C2CD3: variants seen among roughly 807,000 people sequenced by gnomAD.
C2CD3 encodes C2 domain containing 3 centriole elongation regulator.
Under a neutral mutation model 234.0 loss-of-function variants are expected in C2CD3, and 148 were observed. The observed-to-expected ratio is 0.63, with a 90% CI of 0.55 to 0.72. The LOEUF is 0.72. Among genes scored for constraint, C2CD3 ranks in the 30% least tolerant of loss-of-function variants. The pLI is 0.00. For synonymous variants in C2CD3, 1,000 were observed against 1,035.4 expected (o/e 0.97, Z 0.66); for missense variants, 2,577 against 2,811.5 (o/e 0.92, Z 1.89).
At chr11:74,055,761 G>A (rs1336406576) in intron 25 of C2CD3, among the ~76,000 whole-genome samples, 1 of 152,184 alleles carries the variant, frequency 6.6e-6, no homozygotes, top group Non-Finnish European at 1.5e-5. Flanking sequence ...TTGTGATAAA[G>A]GAATTATAAA....
At chr11:74,090,653 G>A (rs1327917045) in intron 20 of C2CD3, among the ~76,000 whole-genome samples, 160 bp downstream of exon 20, 5 of 152,224 alleles carry the variant, frequency 3.3e-5, no homozygotes, top group Admixed American at 2.6e-4. Context: ...ACGTTTGCAA[G>A]TGATTTACTC....
At chr11:74,119,881 C>A (rs1375198716) in intron 8 of C2CD3, among the ~76,000 whole-genome samples, 1 of 152,012 alleles carries the variant, frequency 6.6e-6, no homozygotes, top group East Asian at 1.9e-4. Context: ...AGTGATCTGC[C>A]CACTTTGGCC....
At chr11:74,110,187 C>T (rs534307473) in intron 11 of C2CD3, among the ~76,000 whole-genome samples, 1 of 146,274 alleles carries the variant, frequency 6.8e-6, no homozygotes, top group East Asian at 1.9e-4. Flanking sequence ...CTATTACTTA[C>T]CACCGCAGAA....
Position 74,078,219 on chromosome 11 carries a change from T to C in C2CD3, c.4499A>G (p.Asn1500Ser), listed in dbSNP as rs113074900. 3.5e-5 allele frequency: 57 copies of C among 1,614,074 alleles called. No homozygotes were observed. The African/African-American group carries it at 4.3e-4, about 12-fold the overall frequency. The change falls in exon 23 of 33, where the codon AAT (asparagine) becomes AGT (serine). Residue 1500 changes from asparagine (N) to serine (S), a missense_variant. Transcript: ENST00000334126. ...CTGATGGGGTCTCTCCACACTGTCA[T>C]TGCCATAAGCTCGCCACACTTGGAT... ...LEIQVWRAYGNDSVERPHQTD... is the reference protein window; with the variant it reads ...LEIQVWRAYGSDSVERPHQTD...
At chr11:74,093,752 A>G (rs374281860) in intron 18 of C2CD3, 64 bp downstream of exon 18, 2 of 1,311,210 alleles carry the variant, frequency 1.5e-6, no homozygotes, top group Non-Finnish European at 2.1e-6. Flanking sequence ...GCTGGTTAGG[A>G]GTAGGATGCT....
chr11:74,170,424 G>T (rs2135581028), intron 1 of C2CD3, among the ~76,000 whole-genome samples: 1 of 152,224 alleles, frequency 6.6e-6, no homozygotes, highest in South Asian at 2.1e-4. Context: ...TGTGGACCTC[G>T]AAAGCTACAC....
intron 7 of C2CD3, 59 bp from the exon 8 acceptor site, chr11:74,123,194 C>G (rs1052641692): frequency 1.5e-6 from 2 of 1,298,070 alleles, no homozygotes; most frequent in East Asian, 4.8e-5. Context: ...CTGAACTATT[C>G]TCTCTTTAGT....
At chr11:74,035,321 T>C (rs571083557) in intron 30 of C2CD3, among the ~76,000 whole-genome samples, 2 of 152,370 alleles carry the variant, frequency 1.3e-5, no homozygotes, top group East Asian at 3.9e-4. Context: ...CTGAACATGC[T>C]TTCTGTCTCA....
At chr11:74,052,630 C>T (rs960609107) in intron 26 of C2CD3, among the ~76,000 whole-genome samples, 1 of 152,206 alleles carries the variant, frequency 6.6e-6, no homozygotes, top group Non-Finnish European at 1.5e-5. Context: ...CTAAATACAG[C>T]AAGAATTCCT....
intron 3 of C2CD3, among the ~76,000 whole-genome samples, chr11:74,147,855 T>C (rs1855322337): frequency 6.6e-6 from 1 of 152,186 alleles, no homozygotes; most frequent in South Asian, 2.1e-4. Context: ...ATTCCTAAAA[T>C]TGTAGAGCTA....
At chr11:74,058,070 T>C (rs1308862900) in intron 24 of C2CD3, among the ~76,000 whole-genome samples, 2 of 152,232 alleles carry the variant, frequency 1.3e-5, no homozygotes, top group Non-Finnish European at 2.9e-5. Context: ...TTCTCTCATG[T>C]TCTGTACTTT....
chr11:74,113,766 AGTGT>A lies in C2CD3; in HGVS notation c.1843+10_1843+13del. On this transcript the variant is annotated intron_variant, in intron 11 of 32. Coordinates refer to ENST00000334126, the MANE Select transcript of C2CD3 (RefSeq NM_001286577.2). ...CAGAATGTCTAAGGTGCAGAAAACC[AGTGT>A]GTCTCTTACTTCCATCTGTAATTTT... The A allele has an allele frequency of 7.0e-7, 1 of 1,425,380 alleles. No homozygotes were observed. The highest frequency in any genetic ancestry group is 9.9e-7 in the Non-Finnish European group (1 of 1,008,218). 88.3% of individuals were successfully genotyped at this position (1,425,380 alleles called of 1,614,324 possible).
chr11:74,164,192 C>A, intron 2 of C2CD3: 2 of 966,900 alleles, frequency 2.1e-6, no homozygotes, highest in Non-Finnish European at 2.5e-6. Context: ...TCCCTACTGT[C>A]CAGCACTATT....
intron 3 of C2CD3, among the ~76,000 whole-genome samples, chr11:74,146,048 T>TA (rs1281552168): frequency 6.6e-6 from 1 of 152,142 alleles, no homozygotes; most frequent in African/African-American, 2.4e-5. Context: ...CAAACTCTAG[T>TA]AAGAATTATG....
chr11:74,040,176 T>C (rs1181967123), intron 29 of C2CD3, among the ~76,000 whole-genome samples: 1 of 152,176 alleles, frequency 6.6e-6, no homozygotes, highest in Non-Finnish European at 1.5e-5. Flanking sequence ...CAAACCCTAT[T>C]GTGAACTGCT....
chr11:74,034,130 T>G lies in C2CD3; in HGVS notation c.6030A>C (p.Arg2010Ser). The change falls in exon 31 of 33, where the codon AGA (arginine) becomes AGC (serine). Residue 2010 changes from arginine (R) to serine (S), a missense_variant. By Grantham distance (110) the Arg-to-Ser change is moderately radical (BLOSUM62 -1). Transcript: ENST00000334126. ...RCTMPDEPLV[R>S]APDKGTDSPS... The stretch of plus-strand genomic sequence containing the variant: ...GGGAATCTGTGCCTTTATCTGGAGC[T>G]CTTACCAATGGCTCATCTGGCATTG... 1.3e-6 allele frequency: 2 copies of G among 1,536,230 alleles called. No individual in the cohort carries two copies. Among genetic ancestry groups the G allele is most frequent in the South Asian group, 2.4e-5 (2 of 84,050 alleles).
At chr11:74,139,044 G>A (rs1329086816) in intron 4 of C2CD3, 77 bp from the exon 5 acceptor site, 49 of 1,289,438 alleles carry the variant, frequency 3.8e-5, no homozygotes, top group Non-Finnish European at 5.1e-5. Context: ...GAGACAGAAA[G>A]TAGACCAGTG....
intron 7 of C2CD3, among the ~76,000 whole-genome samples, chr11:74,131,322 C>CA (rs60280021): frequency 0.026 from 2,658 of 100,552 alleles, 32 homozygotes; most frequent in African/African-American, 0.046. Context: ...GACTCGGTCT[C>CA]AAAAAAAAAA....
chr11:74,139,594 A>T lies in C2CD3; in HGVS notation c.707+11T>A, dbSNP rs369703004. ...ACTGACAGATTGACTGGTATTAGGT[A>T]TGGTAATTACCTCGGAGTGGTTGAT... On this transcript the variant is annotated intron_variant, in intron 4 of 32. Transcript: ENST00000334126. 1.3e-6 allele frequency: 2 copies of T among 1,535,632 alleles called. No homozygotes were observed.
Sources: allele counts gnomAD v4.1 joint callset (sites outside exome capture counted in the v4.1 genomes callset), GRCh38; gene constraint gnomAD v4.1.1; transcripts MANE v1.5; gene names NCBI Gene and HGNC (gene_info 2026-07-23, HGNC 2026-07-21).